CERS3: variants seen among roughly 807,000 people sequenced by gnomAD.
CERS3 encodes the protein ceramide synthase 3, also known as LAG1 homolog, ceramide synthase 3.
A neutral mutation model predicts 50.3 loss-of-function variants in CERS3; 33 were observed. That is an observed-to-expected ratio of 0.66 (90% confidence interval 0.50 to 0.88). CERS3 has a LOEUF of 0.88. Among genes scored for constraint, CERS3 ranks in the 40% least tolerant of loss-of-function variants. CERS3 has a pLI of 0.00. For synonymous variants in CERS3, 176 were observed against 155.2 expected (o/e 1.13, Z -0.99); for missense variants, 470 against 460.3 (o/e 1.02, Z -0.19).
intron 11 of CERS3, among the ~76,000 whole-genome samples, chr15:100,435,226 C>G (rs752883550): frequency 3.4e-4 from 52 of 152,226 alleles, no homozygotes; most frequent in African/African-American, 7.2e-5. Context: ...AAAGCAAGAA[C>G]TTTAGCACAC....
In CERS3 at chr15:100,490,899, C is replaced by T. The variant is rs769961690; in HGVS notation, c.206G>A (p.Gly69Asp). The T allele has an allele frequency of 2.6e-5, 41 of 1,603,670 alleles. No individual in the cohort carries two copies. The highest frequency in any genetic ancestry group is 3.5e-5 in the Non-Finnish European group (41 of 1,176,532). Reference sequence around the variant, plus strand: ...AACCTTTCGAACTGTCTCTTTAATGCCAAATGATTTTGCTAGAGGTGAAGC... The same window carrying T: ...AACCTTTCGAACTGTCTCTTTAATGTCAAATGATTTTGCTAGAGGTGAAGC... ...FVASPLAKSF[G>D]IKETVRKVTP... is the part of the protein sequence containing the mutation. The change falls in exon 4 of 12, where the codon GGC (glycine) becomes GAC (aspartate). Residue 69 changes from glycine to aspartate, a missense_variant. Coordinates refer to ENST00000679737, the MANE Select transcript of CERS3 (RefSeq NM_001378789.1).
intron 2 of CERS3, among the ~76,000 whole-genome samples, chr15:100,514,808 CAT>C (rs1024980521): frequency 1.3e-5 from 2 of 151,732 alleles, no homozygotes; most frequent in Non-Finnish European, 1.5e-5. Context: ...TAGAAAGAAA[CAT>C]AAAAAATAAT....
intron 1 of CERS3, among the ~76,000 whole-genome samples, chr15:100,537,442 T>G (rs2037101397): frequency 6.6e-6 from 1 of 152,172 alleles, no homozygotes; most frequent in South Asian, 2.1e-4. Context: ...ACTGGGTAAT[T>G]TATAAAGCAA....
chr15:100,431,048 T>G (rs981837950), intron 11 of CERS3, among the ~76,000 whole-genome samples: 1 of 152,170 alleles, frequency 6.6e-6, no homozygotes, highest in African/African-American at 2.4e-5. Flanking sequence ...GATATTGTAT[T>G]TCTAGCAGTC....
intron 11 of CERS3, among the ~76,000 whole-genome samples, chr15:100,432,163 G>A (rs1318717558): frequency 6.6e-6 from 1 of 151,904 alleles, no homozygotes; most frequent in African/African-American, 2.4e-5. Context: ...GACTTCCTGA[G>A]CTCAAGCAAA....
intron 2 of CERS3, among the ~76,000 whole-genome samples, chr15:100,503,417 G>A (rs1400495062): frequency 6.6e-6 from 1 of 152,182 alleles, no homozygotes; most frequent in Non-Finnish European, 1.5e-5. Flanking sequence ...TAAAATGCTG[G>A]TGGGACAAGC....
chr15:100,476,086 C>A lies in CERS3; in HGVS notation c.609G>T (p.Lys203Asn). 1 of 1,551,624 alleles carries A rather than the reference C, an allele frequency of 6.4e-7. No individual in the cohort carries two copies. Among genetic ancestry groups the A allele is most frequent in the Non-Finnish European group, 8.7e-7 (1 of 1,154,156 alleles). The change falls in exon 8 of 12, where the codon AAG becomes AAT. Residue 203 changes from lysine (K) to asparagine (N), a missense_variant and splice_region_variant. Coordinates refer to ENST00000679737, the MANE Select transcript of CERS3 (RefSeq NM_001378789.1). ...GAAGCTTTGTAAATAAGACACTTAC[C>A]TTTCTCTTGACATCAAAGCCAAGTC... is the stretch of plus-strand genomic sequence containing the variant. ...LFRLGFDVKR[K>N]DFLAHIIHHL...
At chr15:100,446,170 G>A (rs1394402145) in intron 11 of CERS3, among the ~76,000 whole-genome samples, 5 of 152,170 alleles carry the variant, frequency 3.3e-5, no homozygotes, top group Admixed American at 3.3e-4. Flanking sequence ...CACAAAGCCT[G>A]TTTGGTGGTC....
chr15:100,506,071 AAAAC>A (rs58306723), intron 2 of CERS3, among the ~76,000 whole-genome samples: 17,265 of 143,308 alleles, frequency 0.12, 1,243 homozygotes, highest in Admixed American at 0.22. Flanking sequence ...ACCCTGTTTC[AAAAC>A]AAACAAACAA....
At chr15:100,535,304 G>T (rs1014865204) in intron 1 of CERS3, among the ~76,000 whole-genome samples, 7 of 152,176 alleles carry the variant, frequency 4.6e-5, no homozygotes, top group African/African-American at 1.7e-4. Flanking sequence ...TTTCCAAGTT[G>T]CAGGCATTAC....
chr15:100,497,813 C>G (rs1028601428), intron 3 of CERS3, among the ~76,000 whole-genome samples: 1 of 150,178 alleles, frequency 6.7e-6, no homozygotes, highest in Non-Finnish European at 1.5e-5. Flanking sequence ...ACTTCAAGGA[C>G]AGACTTAATG....
chr15:100,459,430 G>A (rs2034481325), intron 10 of CERS3, among the ~76,000 whole-genome samples: 1 of 151,994 alleles, frequency 6.6e-6, no homozygotes, highest in Non-Finnish European at 1.5e-5. Flanking sequence ...TGAGTAGCTG[G>A]GACTCCTGGT....
At chr15:100,482,275 G>A (rs2587765) in intron 5 of CERS3, among the ~76,000 whole-genome samples, 134,705 of 152,194 alleles carry the variant, frequency 0.89, 60,101 homozygotes, top group Middle Eastern at 0.97. Flanking sequence ...CCACTGAAAA[G>A]CCATTCAGAA....
At chr15:100,449,391 A>T (rs1239441497) in intron 11 of CERS3, among the ~76,000 whole-genome samples, 1 of 152,222 alleles carries the variant, frequency 6.6e-6, no homozygotes, top group Non-Finnish European at 1.5e-5. Flanking sequence ...CCCAAAGGCC[A>T]ACCTACCTCC....
intron 10 of CERS3, among the ~76,000 whole-genome samples, chr15:100,462,840 G>C (rs1163513264): frequency 6.6e-6 from 1 of 152,162 alleles, no homozygotes; most frequent in African/African-American, 2.4e-5. Flanking sequence ...CACAGTCAGG[G>C]GGAAAAGCAA....
intron 11 of CERS3, among the ~76,000 whole-genome samples, chr15:100,408,243 G>A (rs1399691802): frequency 2.0e-5 from 3 of 152,134 alleles, no homozygotes; most frequent in Non-Finnish European, 2.9e-5. Flanking sequence ...AATCCCCCAT[G>A]GATACCGAGG....
rs2035120022 is a variant in CERS3, at chr15:100,476,148, T to C, written c.547A>G (p.Ile183Val). ...GACCAATAAAAACTCATTTCTAAAA[T>C]GTAGTACCAGTACTGGGATGGCAGC... ...PLLPSQYWYY[I>V]LEMSFYWSLL... is the part of the protein sequence containing the mutation. The change falls in exon 8 of 12, where the codon ATT becomes GTT. Residue 183 changes from isoleucine (I) to valine (V), a missense_variant. Transcript: ENST00000679737. The C allele has an allele frequency of 1.3e-6, 2 of 1,584,208 alleles. No homozygotes were observed. The highest frequency in any genetic ancestry group is 1.7e-6 in the Non-Finnish European group (2 of 1,169,494).
At chr15:100,530,623 A>C (rs539916200), upstream of CERS3, among the ~76,000 whole-genome samples, 21 of 152,308 alleles carry the variant, frequency 1.4e-4, no homozygotes, top group African/African-American at 4.8e-4. Context: ...CAAGCCTTAG[A>C]TCTCTTTCTA....
intron 10 of CERS3, among the ~76,000 whole-genome samples, chr15:100,458,477 T>A (rs2142204155): frequency 6.6e-6 from 1 of 151,990 alleles, no homozygotes; most frequent in South Asian, 2.1e-4. Flanking sequence ...TCCTGGCTAC[T>A]TGGGATGCTG....
Sources: gnomAD v4.1 joint callset for allele counts (sites outside exome capture counted in the v4.1 genomes callset) on GRCh38, gnomAD v4.1.1 for gene constraint, MANE v1.5 for transcripts, NCBI Gene and HGNC (gene_info 2026-07-23, HGNC 2026-07-21) for gene names.